Variants in AKAP9 observed in about 807,000 individuals in gnomAD.
AKAP9 encodes A-kinase anchoring protein 9.
A neutral mutation model predicts 488.5 loss-of-function variants in AKAP9; 311 were observed. That is an observed-to-expected ratio of 0.64 (90% confidence interval 0.58 to 0.70). The LOEUF (loss-of-function observed/expected upper bound fraction) is 0.70. Ranked by LOEUF, AKAP9 falls within the 30% of genes least tolerant of loss-of-function variation. The pLI is 0.00. For synonymous variants in AKAP9, 1,462 were observed against 1,483.5 expected, an observed-to-expected ratio of 0.99 and a Z score of 0.33; for missense variants, 4,215 against 4,374.5, an observed-to-expected ratio of 0.96 and a Z score of 1.03.
At chr7:92,078,028 G>A (rs1006120962) in intron 30 of AKAP9, among the ~76,000 whole-genome samples, 153 bp downstream of exon 30, 1 of 151,382 alleles carries the variant, frequency 6.6e-6, no homozygotes, top group South Asian at 2.1e-4. Context: ...ACAGAATCTC[G>A]CTCTGTCGCC....
At chr7:92,067,677 C>G (rs1810985226) in intron 26 of AKAP9, among the ~76,000 whole-genome samples, 2 of 152,262 alleles carry the variant, frequency 1.3e-5, no homozygotes, top group South Asian at 4.1e-4. Context: ...CAAATGAATG[C>G]TACATAAATG....
chr7:92,015,879 A>C (rs1801442935), intron 10 of AKAP9, among the ~76,000 whole-genome samples: 1 of 152,166 alleles, frequency 6.6e-6, no homozygotes. Flanking sequence ...TTATTATTAT[A>C]AGGAAGCAGA....
Position 92,040,646 on chromosome 7 carries a change from G to GTT in AKAP9, c.4693-12_4693-11dup, listed in dbSNP as rs71292989. The GTT allele has an allele frequency of 0.022, 23,947 of 1,110,750 alleles. 71 individuals are homozygous for GTT. The highest frequency in any genetic ancestry group is 0.047 in the African/African-American group (2,752 of 58,442). The allele number at this position is 1,110,750 out of a possible 1,614,324, so 68.8% of individuals were successfully genotyped here. On this transcript the variant is annotated intron_variant, in intron 17 of 49. Transcript: ENST00000356239. ...TTACAAAATGTGTTATGGTTGAATTGTTTTTTTTTTTTTTTTTACTATTAA... is the reference window on the plus strand; with the variant it reads ...TTACAAAATGTGTTATGGTTGAATTGTTTTTTTTTTTTTTTTTTTACTATTAA...
intron 12 of AKAP9, among the ~76,000 whole-genome samples, chr7:92,019,028 GTCT>G (rs1023001477): frequency 1.6e-4 from 24 of 152,064 alleles, no homozygotes; most frequent in African/African-American, 5.3e-4. Context: ...TTCACTCCTG[GTCT>G]TCTACCATAC....
chr7:91,971,465 G>A (rs1337008775), intron 1 of AKAP9, among the ~76,000 whole-genome samples: 2 of 151,478 alleles, frequency 1.3e-5, no homozygotes, highest in East Asian at 3.9e-4. Flanking sequence ...TCTTGTTAGG[G>A]TCATTCACTG....
intron 3 of AKAP9, among the ~76,000 whole-genome samples, chr7:91,985,414 G>T (rs987469416): frequency 6.6e-6 from 1 of 152,080 alleles, no homozygotes; most frequent in Admixed American, 6.5e-5. Flanking sequence ...GATGGATTAT[G>T]TTTATTGATT....
At position 92,007,281 on chromosome 7, in the gene AKAP9, CTTTTTTTTTT is replaced by C. The variant is rs35623219; in HGVS notation, c.3318+4066_3318+4075del. Among the ~76,000 whole-genome samples, 276 of 84,124 alleles carry C rather than the reference CTTTTTTTTTT, an allele frequency of 3.3e-3. 1 individual carries two copies. The highest frequency in any genetic ancestry group is 0.01 in the African/African-American group (229 of 22,274). The allele number at this position is 84,124 out of a possible 152,430, so 55.2% of individuals were successfully genotyped here. Reference sequence around the variant, plus strand: ...AAAATTAAGCATGAGAACTGAAATTCTTTTTTTTTTTTTTTTTTTTTTTTTTTTTGAGACA... The same window carrying C: ...AAAATTAAGCATGAGAACTGAAATTCTTTTTTTTTTTTTTTTTTTGAGACA... On this transcript the variant is annotated intron_variant, in intron 8 of 49. Coordinates refer to ENST00000356239, the MANE Select transcript of AKAP9 (RefSeq NM_005751.5).
intron 27 of AKAP9, among the ~76,000 whole-genome samples, 179 bp downstream of exon 27, chr7:92,070,385 GTTT>G (rs1180350336): frequency 6.8e-6 from 1 of 146,938 alleles, no homozygotes; most frequent in African/African-American, 2.6e-5. Flanking sequence ...GAAGGGAAGA[GTTT>G]TTTGTTGTTG....
intron 4 of AKAP9, 130 bp from the exon 5 acceptor site, chr7:91,992,755 G>T (rs1797929762): frequency 1.3e-6 from 1 of 784,432 alleles, no homozygotes; most frequent in African/African-American, 1.7e-5. Flanking sequence ...GAAGTAGGTT[G>T]CCATACCATA....
intron 34 of AKAP9, 24 bp downstream of exon 34, chr7:92,084,727 TGTTTGTA>T (rs1211793931): frequency 1.9e-6 from 3 of 1,608,830 alleles, no homozygotes; most frequent in Non-Finnish European, 2.6e-6. Context: ...ATATTTGTAA[TGTTTGTA>T]GTAGTTGTTT....
chr7:92,089,480 T>G lies in AKAP9; in HGVS notation c.9309T>G (p.Gly3103=). ...EIQALHAQMN[G]RKITLKREQE... ...AGGCACTGCATGCACAAATGAATGGTAGGAAAATTACTCTGAAAAGAGAAC... is the reference window on the plus strand; with the variant it reads ...AGGCACTGCATGCACAAATGAATGGGAGGAAAATTACTCTGAAAAGAGAAC... The change falls in exon 38 of 50, where the codon GGT becomes GGG. Residue 3103 remains glycine (G), a synonymous_variant. Coordinates refer to ENST00000356239, the MANE Select transcript of AKAP9 (RefSeq NM_005751.5). The G allele has an allele frequency of 6.2e-7, 1 of 1,613,402 alleles. No homozygotes were observed. Among genetic ancestry groups the G allele is most frequent in the Non-Finnish European group, 8.5e-7 (1 of 1,179,732 alleles).
In AKAP9 at chr7:92,102,577, C is replaced by T. The variant is rs752119071; in HGVS notation, c.11098-17C>T. The T allele has an allele frequency of 1.1e-5, 17 of 1,606,410 alleles. No individual in the cohort carries two copies. In the African/African-American group the frequency reaches 2.3e-4, roughly 21 times the overall value. ...GTTTTCTTAATGTCTTTACATTCTTCTCTTCCCTAAATATAGAGAATTTAT... is the reference window on the plus strand; with the variant it reads ...GTTTTCTTAATGTCTTTACATTCTTTTCTTCCCTAAATATAGAGAATTTAT... On this transcript the variant is annotated splice_polypyrimidine_tract_variant and intron_variant, in intron 45 of 49. Transcript: ENST00000356239.
chr7:92,050,507 T>C (rs1807795759), intron 21 of AKAP9, among the ~76,000 whole-genome samples: 1 of 152,200 alleles, frequency 6.6e-6, no homozygotes, highest in Non-Finnish European at 1.5e-5. Context: ...TCCCAGTCGT[T>C]GTCTTGTTTG....
At chr7:91,991,932 G>A (rs1797809754) in intron 3 of AKAP9, among the ~76,000 whole-genome samples, 1 of 152,198 alleles carries the variant, frequency 6.6e-6, no homozygotes, top group Non-Finnish European at 1.5e-5. Flanking sequence ...ATGTATATAT[G>A]TGTCTTTTGC....
At chr7:92,107,199 T>C (rs1225565443) in intron 47 of AKAP9, 94 bp from the exon 48 acceptor site, 4 of 1,197,602 alleles carry the variant, frequency 3.3e-6, no homozygotes, top group Non-Finnish European at 4.9e-6. Flanking sequence ...TAATATAGTA[T>C]AATAGTCTTT....
intron 3 of AKAP9, among the ~76,000 whole-genome samples, chr7:91,982,166 C>CGTACGTAT (rs763800909): frequency 4.0e-5 from 6 of 150,368 alleles, no homozygotes; most frequent in African/African-American, 1.5e-4. Context: ...ATTTTACGTA[C>CGTACGTAT]GTATGTATGT....
chr7:92,040,705 A>G lies in AKAP9; in HGVS notation c.4724A>G (p.Asp1575Gly), dbSNP rs145763255. 1.2e-6 allele frequency: 2 copies of G among 1,606,344 alleles called. No homozygotes were observed. The highest frequency in any genetic ancestry group is 3.4e-5 in the Admixed American group (2 of 59,512). The change falls in exon 18 of 50, where the codon GAT becomes GGT. Residue 1575 changes from aspartate (D) to glycine (G), a missense_variant. Physicochemically the swap from Asp to Gly is moderately conservative, Grantham distance 94 (BLOSUM62 -1). Coordinates refer to ENST00000356239, the MANE Select transcript of AKAP9 (RefSeq NM_005751.5). ...GATGAGATTTCAGTGTCAAGCATGG[A>G]TGCTTCTAGACAACTAATGTTGAAT... ...IHDEISVSSMDASRQLMLNEE... is the reference protein window; with the variant it reads ...IHDEISVSSMGASRQLMLNEE...
intron 28 of AKAP9, among the ~76,000 whole-genome samples, chr7:92,075,341 A>G (rs1812413523): frequency 6.6e-6 from 1 of 152,270 alleles, no homozygotes. Context: ...CAAAGTAGTT[A>G]CAGAAATGTA....
intron 1 of AKAP9, among the ~76,000 whole-genome samples, chr7:91,955,752 G>T (rs1005036255): frequency 3.3e-5 from 5 of 152,148 alleles, no homozygotes; most frequent in African/African-American, 1.2e-4. Context: ...TCCTGCCTCA[G>T]CCTCCCAAGT....
Sources: gnomAD v4.1 joint callset for allele counts (sites outside exome capture counted in the v4.1 genomes callset) on GRCh38, gnomAD v4.1.1 for gene constraint, MANE v1.5 for transcripts, NCBI Gene and HGNC (gene_info 2026-07-23, HGNC 2026-07-21) for gene names.